Variants in UPP2 observed in about 807,000 individuals in gnomAD.
UPP2 encodes the protein uridine phosphorylase 2.
Under a neutral mutation model 26.7 loss-of-function variants are expected in UPP2, and 23 were observed. The observed-to-expected ratio is 0.86, with a 90% CI of 0.62 to 1.22. The LOEUF is 1.22. Ranked by LOEUF, UPP2 falls within the 50% of genes most tolerant of loss-of-function variation. UPP2 has a pLI of 0.00. For synonymous variants in UPP2, 127 were observed against 141.3 expected (o/e 0.90, Z 0.72); for missense variants, 387 against 396.7 (o/e 0.98, Z 0.21).
chr2:158,033,162 G>C (rs1368890291), intron 3 of UPP2, among the ~76,000 whole-genome samples: 2 of 152,092 alleles, frequency 1.3e-5, no homozygotes, highest in African/African-American at 4.8e-5. Flanking sequence ...AAGATGGGAG[G>C]GGGGCCCCAA....
At chr2:158,062,695 C>T (rs189400011) in intron 3 of UPP2, among the ~76,000 whole-genome samples, 2 of 152,290 alleles carry the variant, frequency 1.3e-5, no homozygotes, top group African/African-American at 4.8e-5. Flanking sequence ...TTTCATGTGG[C>T]TAGGACTTCC....
At chr2:158,072,371 G>T (rs747861991) in intron 3 of UPP2, among the ~76,000 whole-genome samples, 8 of 152,180 alleles carry the variant, frequency 5.3e-5, no homozygotes, top group Non-Finnish European at 1.2e-4. Flanking sequence ...CTTCTAGACA[G>T]CATCTCTGTA....
At chr2:158,045,864 C>T (rs1244835216) in intron 3 of UPP2, among the ~76,000 whole-genome samples, 1 of 152,042 alleles carries the variant, frequency 6.6e-6, no homozygotes, top group Non-Finnish European at 1.5e-5. Context: ...TGGTACCAGC[C>T]GCCAATTGTA....
At chr2:158,018,643 G>C (rs1015554595) in intron 3 of UPP2, among the ~76,000 whole-genome samples, 1 of 152,210 alleles carries the variant, frequency 6.6e-6, no homozygotes, top group African/African-American at 2.4e-5. Context: ...TAGGGAGAGA[G>C]GACAGCTACC....
intron 3 of UPP2, among the ~76,000 whole-genome samples, chr2:158,072,661 C>G (rs535715417): frequency 6.7e-6 from 1 of 150,166 alleles, no homozygotes; most frequent in Non-Finnish European, 1.5e-5. Flanking sequence ...GACAGACAGA[C>G]AGACAGACAG....
chr2:158,086,558 A>G (rs1574282860), intron 3 of UPP2, among the ~76,000 whole-genome samples: 1 of 151,788 alleles, frequency 6.6e-6, no homozygotes, highest in East Asian at 1.9e-4. Context: ...TCTTGTTTCT[A>G]TAGTTCCTTG....
At position 158,115,234 on chromosome 2, in the gene UPP2, A is replaced by C. The variant is rs1165795041; in HGVS notation, c.314A>C (p.Lys105Thr). Reference protein sequence around the residue: ...CAGTDRYCMYKTGPVLAISHG... With the variant: ...CAGTDRYCMYTTGPVLAISHG... ...GGGACAGACAGATACTGTATGTACA[A>C]AACCGGGCCTGTGCTCGCCATCAGT... is the stretch of plus-strand genomic sequence containing the variant. Residue 105 changes from lysine to threonine, a missense_variant, in exon 3 of 7, where the codon AAA becomes ACA. Lys to Thr is a moderately conservative substitution (Grantham distance 78, BLOSUM62 -1). Coordinates refer to ENST00000005756, the MANE Select transcript of UPP2 (RefSeq NM_173355.4). The C allele has an allele frequency of 1.2e-6, 2 of 1,611,352 alleles. No individual in the cohort carries two copies. Among genetic ancestry groups the C allele is most frequent in the Non-Finnish European group, 8.5e-7 (1 of 1,178,924 alleles).
chr2:158,089,719 A>G (rs1479684397), intron 3 of UPP2, among the ~76,000 whole-genome samples: 1 of 152,128 alleles, frequency 6.6e-6, no homozygotes, highest in Non-Finnish European at 1.5e-5. Flanking sequence ...GACTCTCTAA[A>G]TTCATCTCAG....
At chr2:158,065,747 T>C (rs1682424637) in intron 3 of UPP2, 3 of 683,408 alleles carry the variant, frequency 4.4e-6, no homozygotes, top group Middle Eastern at 4.4e-4. Context: ...ATGTTCTCGA[T>C]AGGCCTTTTG....
At chr2:158,060,790 T>A (rs936417630) in intron 3 of UPP2, among the ~76,000 whole-genome samples, 5 of 152,204 alleles carry the variant, frequency 3.3e-5, no homozygotes, top group African/African-American at 1.2e-4. Flanking sequence ...CTCCCTGCCA[T>A]GTGAGGACAC....
At chr2:158,100,539 G>A (rs1252214676), upstream of UPP2, among the ~76,000 whole-genome samples, 1 of 152,238 alleles carries the variant, frequency 6.6e-6, no homozygotes, top group Middle Eastern at 3.2e-3. Flanking sequence ...GCCAGCAGTA[G>A]TGAGTGAGTA....
chr2:158,068,797 TATA>T (rs1682486647), intron 3 of UPP2, among the ~76,000 whole-genome samples: 3 of 17,990 alleles, frequency 1.7e-4, no homozygotes, highest in African/African-American at 2.3e-4. Flanking sequence ...TATATATATA[TATA>T]TATTTTTTTT....
At chr2:158,075,890 C>T (rs2105190832) in intron 3 of UPP2, among the ~76,000 whole-genome samples, 1 of 150,992 alleles carries the variant, frequency 6.6e-6, no homozygotes, top group East Asian at 1.9e-4. Flanking sequence ...AAAAGATCAA[C>T]AAAATGAAAA....
At chr2:158,103,643 G>C (rs1002434523) in intron 1 of UPP2, among the ~76,000 whole-genome samples, 2 of 152,212 alleles carry the variant, frequency 1.3e-5, no homozygotes, top group East Asian at 1.9e-4. Flanking sequence ...GAGTGAAACA[G>C]AAAGTGTAAT....
intron 2 of UPP2, among the ~76,000 whole-genome samples, chr2:158,005,759 A>G (rs746418178): frequency 1.3e-5 from 2 of 152,198 alleles, no homozygotes; most frequent in African/African-American, 4.8e-5. Context: ...TGCAGGGACC[A>G]GTGGGGGCTC....
chr2:157,997,692 C>G (rs1314543156), intron 2 of UPP2, among the ~76,000 whole-genome samples: 1 of 152,182 alleles, frequency 6.6e-6, no homozygotes, highest in African/African-American at 2.4e-5. Context: ...ATAACAGAGT[C>G]TTCAGTGAAC....
intron 3 of UPP2, among the ~76,000 whole-genome samples, chr2:158,095,306 A>C (rs10182269): frequency 0.027 from 4,091 of 152,274 alleles, 190 homozygotes; most frequent in African/African-American, 0.09. Flanking sequence ...TCAGCATTCA[A>C]AGAACACACA....
chr2:158,056,686 A>G (rs1020375900), intron 3 of UPP2, among the ~76,000 whole-genome samples: 3 of 152,294 alleles, frequency 2.0e-5, no homozygotes, highest in Non-Finnish European at 4.4e-5. Context: ...TTCTCCATGT[A>G]TCTTCACATG....
In UPP2 at chr2:158,033,164, G is replaced by A. The variant is rs537345217; in HGVS notation, c.147+17278G>A. 2.0e-5 allele frequency among the ~76,000 whole-genome samples: 3 copies of A among 152,176 alleles called. No individual in the cohort carries two copies. The East Asian group carries it at 5.8e-4, about 29-fold the overall frequency. On this transcript the variant is annotated intron_variant, in intron 3 of 9. Transcript: ENST00000605860. ...CTGAAGCATACTGAAGATGGGAGGG[G>A]GGCCCCAAAGGTGGAGGACCTTTGA...
Sources: allele counts gnomAD v4.1 joint callset (sites outside exome capture counted in the v4.1 genomes callset), GRCh38; gene constraint gnomAD v4.1.1; transcripts MANE v1.5; gene names NCBI Gene and HGNC (gene_info 2026-07-23, HGNC 2026-07-21).